RAPGEF6: variants seen among roughly 807,000 people sequenced by gnomAD.
RAPGEF6 encodes the protein Rap guanine nucleotide exchange factor 6.
A neutral mutation model predicts 171.4 loss-of-function variants in RAPGEF6; 56 were observed. The ratio of observed to expected loss-of-function variants is 0.33; its 90% CI spans 0.26 to 0.41. RAPGEF6 has a LOEUF of 0.41. RAPGEF6 is among the 10% of genes least tolerant of loss of function. The pLI is 1.00. For missense variants in RAPGEF6, 1,674 were observed against 1,921.4 expected, an observed-to-expected ratio of 0.87 and a Z score of 2.41; for synonymous variants, 692 against 650.1, an observed-to-expected ratio of 1.06 and a Z score of -0.98.
Position 131,430,897 on chromosome 5 carries a change from T to C in RAPGEF6, c.4427A>G (p.Tyr1476Cys), listed in dbSNP as rs1751660450. The C allele has an allele frequency of 6.2e-7, 1 of 1,608,916 alleles. No homozygotes were observed. The highest frequency in any genetic ancestry group is 8.5e-7 in the Non-Finnish European group (1 of 1,178,430). ...TTCTGTACTTGAAGTGACAGTTTTA[T>C]AAACTGGGTCAGTGGCATCCTTGGG... ...LDPKDATDPVYKTVTSSTEKG... is the reference protein window; with the variant it reads ...LDPKDATDPVCKTVTSSTEKG... The change falls in exon 26 of 28, where the codon TAT (tyrosine) becomes TGT (cysteine). Residue 1476 changes from tyrosine to cysteine, a missense_variant. Tyr to Cys is a radical substitution (Grantham distance 194, BLOSUM62 -2). Transcript: ENST00000509018.
chr5:131,621,296 T>C (rs1765577186), intron 1 of RAPGEF6, among the ~76,000 whole-genome samples: 1 of 152,198 alleles, frequency 6.6e-6, no homozygotes, highest in Non-Finnish European at 1.5e-5. Flanking sequence ...TATTTTCTTT[T>C]TCTTTTTTTT....
intron 1 of RAPGEF6, among the ~76,000 whole-genome samples, chr5:131,630,370 T>A (rs751057232): frequency 5.3e-5 from 8 of 152,232 alleles, no homozygotes; most frequent in Non-Finnish European, 1.0e-4. Flanking sequence ...AAACAACTTT[T>A]ATGTGCACTA....
intron 6 of RAPGEF6, among the ~76,000 whole-genome samples, chr5:131,536,598 G>C (rs1759792782): frequency 6.6e-6 from 1 of 151,974 alleles, no homozygotes; most frequent in Admixed American, 6.6e-5. Context: ...CCACCCTTAG[G>C]GAGTAATAGA....
At chr5:131,493,542 GAA>G (rs558476455) in intron 13 of RAPGEF6, among the ~76,000 whole-genome samples, 1 of 152,146 alleles carries the variant, frequency 6.6e-6, no homozygotes, top group Non-Finnish European at 1.5e-5. Context: ...ATCTCGTCCA[GAA>G]AAGACTTCCT....
intron 6 of RAPGEF6, among the ~76,000 whole-genome samples, chr5:131,535,919 A>G (rs921208001): frequency 1.3e-5 from 2 of 152,146 alleles, no homozygotes; most frequent in Admixed American, 6.6e-5. Context: ...AAGAGGATAA[A>G]CATTCTAGGC....
At chr5:131,554,744 TG>T (rs1332969097) in intron 5 of RAPGEF6, among the ~76,000 whole-genome samples, 3 of 152,128 alleles carry the variant, frequency 2.0e-5, no homozygotes, top group African/African-American at 4.8e-5. Flanking sequence ...CTCGCACTCC[TG>T]ATCTCAGGTG....
At chr5:131,471,491 G>A (rs1754732466) in intron 17 of RAPGEF6, among the ~76,000 whole-genome samples, 1 of 152,032 alleles carries the variant, frequency 6.6e-6, no homozygotes, top group African/African-American at 2.4e-5. Context: ...CTAGCTGCTA[G>A]GAACTTTAGA....
chr5:131,455,310 G>A (rs1469933463), intron 20 of RAPGEF6, among the ~76,000 whole-genome samples: 2 of 152,208 alleles, frequency 1.3e-5, no homozygotes, highest in African/African-American at 4.8e-5. Flanking sequence ...CCAGGCTGGA[G>A]TGCAGTGGCG....
intron 24 of RAPGEF6, among the ~76,000 whole-genome samples, chr5:131,439,292 T>TA (rs1373356536): frequency 1.3e-5 from 2 of 152,198 alleles, no homozygotes; most frequent in African/African-American, 2.4e-5. Flanking sequence ...ACTGGAATGA[T>TA]AACACCAAGA....
chr5:131,428,646 G>T (rs1751513496), intron 27 of RAPGEF6, among the ~76,000 whole-genome samples: 1 of 151,890 alleles, frequency 6.6e-6, no homozygotes, highest in Non-Finnish European at 1.5e-5. Context: ...TTTTTTAGTA[G>T]AGACGGGGTT....
chr5:131,468,817 A>T (rs976015374), intron 17 of RAPGEF6, among the ~76,000 whole-genome samples: 1 of 152,212 alleles, frequency 6.6e-6, no homozygotes, highest in Non-Finnish European at 1.5e-5. Flanking sequence ...AAAGCGCCAC[A>T]CAAAAAAACA....
At chr5:131,515,136 G>T (rs1031387743) in intron 7 of RAPGEF6, among the ~76,000 whole-genome samples, 2 of 152,118 alleles carry the variant, frequency 1.3e-5, no homozygotes, top group African/African-American at 4.8e-5. Context: ...ACTATAGGTT[G>T]GAACTAAGAG....
At chr5:131,471,939 C>G (rs1262215358) in intron 17 of RAPGEF6, among the ~76,000 whole-genome samples, 2 of 152,156 alleles carry the variant, frequency 1.3e-5, no homozygotes, top group African/African-American at 4.8e-5. Context: ...TTAAAATAAT[C>G]TCCCTTATTC....
intron 3 of RAPGEF6, among the ~76,000 whole-genome samples, chr5:131,602,967 C>CA (rs1248488392): frequency 6.6e-6 from 1 of 152,116 alleles, no homozygotes; most frequent in African/African-American, 2.4e-5. Flanking sequence ...CAATAAGTGG[C>CA]AAAACTAACC....
At chr5:131,619,057 A>C (rs1466918366) in intron 1 of RAPGEF6, among the ~76,000 whole-genome samples, 1 of 152,274 alleles carries the variant, frequency 6.6e-6, no homozygotes, top group Middle Eastern at 3.4e-3. Context: ...AAAAAAAAAA[A>C]AACAGGACTG....
At chr5:131,440,737 CAAAAAAA>C (rs1168441695) in intron 23 of RAPGEF6, among the ~76,000 whole-genome samples, 4 of 66,848 alleles carry the variant, frequency 6.0e-5, no homozygotes, top group Non-Finnish European at 1.2e-4. Flanking sequence ...GACTCTGTCT[CAAAAAAA>C]AAAAAAAAAA....
At chr5:131,558,745 AT>A (rs61692810) in intron 5 of RAPGEF6, among the ~76,000 whole-genome samples, 35 of 151,202 alleles carry the variant, frequency 2.3e-4, no homozygotes, top group East Asian at 1.5e-3. Context: ...CAGAAGTTGT[AT>A]TTTTTTTTCT....
At chr5:131,614,463 A>G (rs1017908358) in intron 1 of RAPGEF6, among the ~76,000 whole-genome samples, 1 of 152,146 alleles carries the variant, frequency 6.6e-6, no homozygotes, top group African/African-American at 2.4e-5. Flanking sequence ...ACATCTCGAC[A>G]TAGCCAGCAG....
At chr5:131,489,748 T>C in intron 14 of RAPGEF6, 94 bp from the exon 15 acceptor site, 1 of 630,122 alleles carries the variant, frequency 1.6e-6, no homozygotes, top group South Asian at 2.6e-5. Context: ...AAAATGAAAC[T>C]TGAATAAAAT....
Sources: allele counts gnomAD v4.1 joint callset (sites outside exome capture counted in the v4.1 genomes callset), GRCh38; gene constraint gnomAD v4.1.1; transcripts MANE v1.5; gene names NCBI Gene and HGNC (gene_info 2026-07-23, HGNC 2026-07-21).